SCMH1: variants seen among roughly 807,000 people sequenced by gnomAD.
SCMH1 encodes the protein Scm polycomb group protein homolog 1.
A neutral mutation model predicts 70.8 loss-of-function variants in SCMH1; 37 were observed. That is an observed-to-expected ratio of 0.52 (90% CI 0.40 to 0.69). The LOEUF is 0.69. Ranked by LOEUF, SCMH1 falls within the 30% of genes least tolerant of loss-of-function variation. The pLI is 0.00. For synonymous variants in SCMH1, 292 were observed against 307.4 expected (o/e 0.95, Z 0.52); for missense variants, 607 against 827.3 (o/e 0.73, Z 3.27).
chr1:41,158,111 C>G (rs1199002054), intron 4 of SCMH1, among the ~76,000 whole-genome samples: 1 of 152,156 alleles, frequency 6.6e-6, no homozygotes, highest in African/African-American at 2.4e-5. Context: ...AGACCCAAAA[C>G]CACATCACCT....
intron 2 of SCMH1, among the ~76,000 whole-genome samples, chr1:41,171,890 G>A (rs1292161805): frequency 6.6e-6 from 1 of 152,046 alleles, no homozygotes; most frequent in African/African-American, 2.4e-5. Context: ...TACAGCAAAA[G>A]CAATATTAAG....
At chr1:41,095,690 G>A (rs1385752336) in intron 8 of SCMH1, among the ~76,000 whole-genome samples, 3 of 152,146 alleles carry the variant, frequency 2.0e-5, no homozygotes, top group African/African-American at 7.2e-5. Context: ...TATTTCAAAT[G>A]AGCAGATTTG....
intron 1 of SCMH1, among the ~76,000 whole-genome samples, chr1:41,205,605 G>A (rs1261743192): frequency 6.6e-6 from 1 of 152,218 alleles, no homozygotes; most frequent in East Asian, 1.9e-4. Context: ...ACTGGGCAGA[G>A]CCCACTACAG....
intron 2 of SCMH1, among the ~76,000 whole-genome samples, chr1:41,185,238 AAAC>A (rs1262397878): frequency 3.3e-5 from 5 of 152,218 alleles, no homozygotes; most frequent in African/African-American, 4.8e-5. Context: ...GGATTAAAAA[AAAC>A]AACAAGGCAC....
intron 1 of SCMH1, among the ~76,000 whole-genome samples, chr1:41,227,778 A>G (rs1339034816): frequency 2.0e-5 from 3 of 152,134 alleles, no homozygotes; most frequent in African/African-American, 7.2e-5. Flanking sequence ...TCAGGTCAAG[A>G]CCAGTCTGGC....
intron 6 of SCMH1, among the ~76,000 whole-genome samples, chr1:41,127,326 G>A (rs213759): frequency 0.92 from 140,660 of 152,166 alleles, 65,162 homozygotes; most frequent in East Asian, 1. Flanking sequence ...TGCTTGGAGT[G>A]TTTTTTTCCC....
chr1:41,122,101 G>A (rs1001397722), intron 6 of SCMH1, among the ~76,000 whole-genome samples: 1 of 152,160 alleles, frequency 6.6e-6, no homozygotes, highest in African/African-American at 2.4e-5. Flanking sequence ...ATATGGTTAT[G>A]TTTTTAAAAA....
rs117082818 is a variant in SCMH1, at chr1:41,167,771, C to T, written c.14-6339G>A. 9.3e-4 allele frequency among the ~76,000 whole-genome samples: 141 copies of T among 152,254 alleles called. 4 individuals are homozygous for T. In the East Asian group the frequency reaches 0.025, roughly 27 times the overall value. On this transcript the variant is annotated intron_variant, in intron 2 of 14. Coordinates refer to ENST00000337495, the Ensembl canonical transcript of SCMH1. ...TTTTCACGTTGCTGATTAACGTTCT[C>T]TTCCGAATTCCCTTTAGCATTTCTT... is the stretch of plus-strand genomic sequence containing the variant.
intron 11 of SCMH1, among the ~76,000 whole-genome samples, chr1:41,046,889 T>C (rs1646945417): frequency 6.6e-6 from 1 of 152,214 alleles, no homozygotes; most frequent in Non-Finnish European, 1.5e-5. Context: ...CATAATTCTC[T>C]CTGCTCCATC....
chr1:41,046,273 G>T, intron 12 of SCMH1, 134 bp downstream of exon 12: 1 of 677,724 alleles, frequency 1.5e-6, no homozygotes, highest in East Asian at 2.7e-5. Context: ...TATGGCAAAG[G>T]TAAGGGACAG....
intron 11 of SCMH1, 147 bp from the exon 12 acceptor site, chr1:41,046,745 T>A (rs1646935576): frequency 3.1e-6 from 2 of 654,886 alleles, no homozygotes; most frequent in Non-Finnish European, 5.4e-6. Context: ...TCCCTCCCTT[T>A]AACTCCCTCC....
chr1:41,133,612 C>A (rs968116263), intron 6 of SCMH1, among the ~76,000 whole-genome samples: 10 of 152,154 alleles, frequency 6.6e-5, no homozygotes, highest in Admixed American at 6.5e-4. Flanking sequence ...GATATCACCA[C>A]TGATCCCACA....
chr1:41,224,811 T>TGCAGAATGG (rs1463510604), intron 1 of SCMH1, among the ~76,000 whole-genome samples: 10 of 152,184 alleles, frequency 6.6e-5, no homozygotes, highest in Non-Finnish European at 1.5e-5. Flanking sequence ...CATTTGGCCC[T>TGCAGAATGG]CACAATTCTG....
intron 4 of SCMH1, among the ~76,000 whole-genome samples, chr1:41,159,162 G>T (rs1385928101): frequency 6.6e-6 from 1 of 152,162 alleles, no homozygotes; most frequent in Non-Finnish European, 1.5e-5. Context: ...GCTATTTGGA[G>T]CTGCTCCTTA....
intron 8 of SCMH1, among the ~76,000 whole-genome samples, chr1:41,103,506 C>G (rs561474125): frequency 6.6e-6 from 1 of 152,156 alleles, no homozygotes; most frequent in East Asian, 1.9e-4. Flanking sequence ...TGAAAATCAC[C>G]AACACTTATT....
chr1:41,237,116 C>A (rs562095664), intron 1 of SCMH1, among the ~76,000 whole-genome samples: 4 of 152,154 alleles, frequency 2.6e-5, no homozygotes, highest in African/African-American at 9.7e-5. Context: ...TTATAAATGA[C>A]AAAGTAAAAG....
At chr1:41,155,131 T>C (rs1010013407) in intron 4 of SCMH1, among the ~76,000 whole-genome samples, 2 of 152,188 alleles carry the variant, frequency 1.3e-5, no homozygotes, top group Admixed American at 1.3e-4. Flanking sequence ...ATAATGCTTA[T>C]AAAAGTGTTT....
chr1:41,186,993 A>G (rs962767376), intron 1 of SCMH1, among the ~76,000 whole-genome samples: 5 of 152,204 alleles, frequency 3.3e-5, no homozygotes, highest in African/African-American at 9.7e-5. Flanking sequence ...ATTCTTTGGG[A>G]GTACCTCAGT....
At chr1:41,099,454 A>G (rs1434796734) in intron 8 of SCMH1, among the ~76,000 whole-genome samples, 1 of 152,236 alleles carries the variant, frequency 6.6e-6, no homozygotes, top group Non-Finnish European at 1.5e-5. Context: ...GTACTTTAAC[A>G]TTCATTAATT....
Sources: gnomAD v4.1 joint callset for allele counts (sites outside exome capture counted in the v4.1 genomes callset) on GRCh38, gnomAD v4.1.1 for gene constraint, MANE v1.5 for transcripts, NCBI Gene and HGNC (gene_info 2026-07-23, HGNC 2026-07-21) for gene names.